The following RGS3 variants were observed in gnomAD, a reference collection of about 807,000 sequenced individuals.
RGS3 encodes regulator of G protein signaling 3.
RGS3 carries 80 observed loss-of-function variants against 132.6 expected under a neutral mutation model. The ratio of observed to expected loss-of-function variants is 0.60; its 90% confidence interval spans 0.50 to 0.73. The LOEUF (loss-of-function observed/expected upper bound fraction) is 0.73. RGS3 is among the 30% of genes least tolerant of loss of function. The pLI is 0.00. For synonymous variants in RGS3, 598 were observed against 620.6 expected (o/e 0.96, Z 0.54); for missense variants, 1,382 against 1,530.8 (o/e 0.90, Z 1.62).
intron 7 of RGS3, among the ~76,000 whole-genome samples, chr9:113,486,625 A>G (rs1365050821): frequency 2.0e-5 from 3 of 152,216 alleles, no homozygotes; most frequent in African/African-American, 4.8e-5. Context: ...GGAATCTGGG[A>G]TACCCCATGG....
At chr9:113,583,521 T>C in exon 20 of RGS3, 1 of 1,614,122 alleles carries the variant, frequency 6.2e-7, no homozygotes, top group Non-Finnish European at 8.5e-7. Flanking sequence ...GTGCCGAGGA[T>C]TCCCCACCCA....
intron 20 of RGS3, among the ~76,000 whole-genome samples, chr9:113,589,394 C>A (rs1007773277): frequency 6.6e-6 from 1 of 152,150 alleles, no homozygotes; most frequent in Non-Finnish European, 1.5e-5. Flanking sequence ...CCCAGCAGCC[C>A]AGGGGGCTGA....
In RGS3 at chr9:113,494,861, A is replaced by T. The variant is rs545866875; in HGVS notation, c.690-925A>T. On this transcript the variant is annotated intron_variant, in intron 7 of 24. Coordinates refer to ENST00000350696, the Ensembl canonical transcript of RGS3. ...TGGTGGACATTCTTCAGGAACTCTG[A>T]ATTCTTCTTCTTCTTCTTCTTCTTT... 2.0e-5 allele frequency among the ~76,000 whole-genome samples: 3 copies of T among 150,800 alleles called. No individual in the cohort carries two copies. In the South Asian group the frequency reaches 6.2e-4, roughly 31 times the overall value.
chr9:113,497,445 C>T (rs1280825906), intron 9 of RGS3, 41 bp downstream of exon 7: 3 of 1,505,840 alleles, frequency 2.0e-6, no homozygotes, highest in East Asian at 2.3e-5. Flanking sequence ...CCAGGACCTG[C>T]CCCCTCCCTC....
intron 14 of RGS3, 145 bp from the exon 13 acceptor site, chr9:113,514,313 C>T (rs1443813377): frequency 1.3e-5 from 9 of 709,438 alleles, no homozygotes; most frequent in Non-Finnish European, 1.9e-5. Context: ...CCCTGTGTTT[C>T]AGCATCGTGC....
chr9:113,524,498 G>A (rs760380997), intron 17 of RGS3, among the ~76,000 whole-genome samples: 2 of 152,204 alleles, frequency 1.3e-5, no homozygotes, highest in Non-Finnish European at 2.9e-5. Flanking sequence ...AGCTTCCTGC[G>A]AGAAGGAGGG....
chr9:113,491,619 A>T (rs1564480354), intron 7 of RGS3, among the ~76,000 whole-genome samples: 1 of 151,286 alleles, frequency 6.6e-6, no homozygotes, highest in African/African-American at 2.4e-5. Context: ...GAATGGCGCG[A>T]TCTCACCTCA....
intron 14 of RGS3, among the ~76,000 whole-genome samples, chr9:113,512,723 C>T (rs1831461873): frequency 6.6e-6 from 1 of 152,140 alleles, no homozygotes. Context: ...GGCTGGGCAC[C>T]CAGGTCAGTG....
intron 8 of RGS3, among the ~76,000 whole-genome samples, chr9:113,497,010 G>T (rs541235862): frequency 1.3e-5 from 2 of 152,278 alleles, no homozygotes; most frequent in Admixed American, 6.5e-5. Context: ...TGTATACCAG[G>T]CATAGTGTGA....
chr9:113,595,813 G>GTGGCCA (rs1360138036), intron 24 of RGS3, 48 bp downstream of exon 22: 2 of 1,587,334 alleles, frequency 1.3e-6, no homozygotes, highest in Non-Finnish European at 1.7e-6. Context: ...CCAGGGCCCA[G>GTGGCCA]TGGCCCTTCA....
chr9:113,559,984 G>A (rs1022355344), intron 19 of RGS3, among the ~76,000 whole-genome samples: 4 of 152,158 alleles, frequency 2.6e-5, no homozygotes, highest in African/African-American at 7.2e-5. Flanking sequence ...CATACACCAC[G>A]TCGTCTAGTC....
intron 19 of RGS3, chr9:113,541,509 C>T: frequency 6.4e-7 from 1 of 1,561,014 alleles, no homozygotes; most frequent in South Asian, 1.2e-5. Context: ...CTCACCTCAA[C>T]TGGACCTGAA....
chr9:113,569,723 A>T (rs1036497189), intron 19 of RGS3, among the ~76,000 whole-genome samples: 3 of 151,910 alleles, frequency 2.0e-5, no homozygotes, highest in Admixed American at 2.0e-4. Context: ...TAAAAGGCCC[A>T]ATCTTTAATC....
chr9:113,479,414 G>A lies in RGS3; in HGVS notation c.416-77G>A, dbSNP rs560496781. On this transcript the variant is annotated intron_variant, in intron 3 of 24. Transcript: ENST00000350696. ...TTCACATGAACAAAAGAGCATTTCT[G>A]TCACCTTTCCTCTAGTTTTTTCCAC... 1.2e-4 allele frequency: 170 copies of A among 1,391,896 alleles called. No homozygotes were observed. The African/African-American group carries it at 2.2e-3, about 18-fold the overall frequency. 86.2% of individuals were successfully genotyped at this position (1,391,896 alleles called of 1,614,324 possible).
In RGS3 at chr9:113,565,704, G is replaced by T. The variant is rs1217948549; in HGVS notation, c.2038-17746G>T. 7.3e-6 allele frequency: 2 copies of T among 274,158 alleles called. No homozygotes were observed. Among genetic ancestry groups the T allele is most frequent in the Admixed American group, 4.8e-5 (1 of 20,966 alleles). The allele number at this position is 274,158 out of a possible 1,614,324, so 17.0% of individuals were successfully genotyped here. On this transcript the variant is annotated intron_variant, in intron 19 of 24. Coordinates refer to ENST00000350696, the Ensembl canonical transcript of RGS3. This position sits in a 1 kb window ranked among gnomAD's most constrained non-coding sequence, Gnocchi z 5.7. ...CTGGCAGGAGCGGCAGCCAGGAGTC[G>T]CCTGGGTCCCTGCTGGAGTATGCTG...
chr9:113,463,506 G>T lies in RGS3; in HGVS notation c.415+1305G>T. ...AACCGGGAGCGCGGTGCTGGGGCCGGGATACCCGGGGTGGCCGCACCGTCC... is the reference window on the plus strand; with the variant it reads ...AACCGGGAGCGCGGTGCTGGGGCCGTGATACCCGGGGTGGCCGCACCGTCC... On this transcript the variant is annotated intron_variant, in intron 3 of 24. Coordinates refer to ENST00000350696, the Ensembl canonical transcript of RGS3. This position sits in a 1 kb window ranked among gnomAD's most constrained non-coding sequence, Gnocchi z 4.6. 6.6e-6 allele frequency among the ~76,000 whole-genome samples: 1 copy of T among 152,170 alleles called. No homozygotes were observed. Among genetic ancestry groups the T allele is most frequent in the Non-Finnish European group, 1.5e-5 (1 of 68,018 alleles).
intron 1 of RGS3, among the ~76,000 whole-genome samples, chr9:113,448,822 A>G (rs1035002297): frequency 1.3e-5 from 2 of 152,220 alleles, no homozygotes; most frequent in Non-Finnish European, 1.5e-5. Context: ...TAAGTGGTAC[A>G]AAGAAAGAAC....
At chr9:113,497,186 G>A in intron 8 of RGS3, 128 bp from the exon 7 acceptor site, 2 of 688,410 alleles carry the variant, frequency 2.9e-6, no homozygotes, top group South Asian at 3.6e-5. Flanking sequence ...TCGGGGCCAG[G>A]AAGGCTGGAG....
chr9:113,477,271 A>G (rs1320196027), intron 3 of RGS3, among the ~76,000 whole-genome samples: 1 of 152,150 alleles, frequency 6.6e-6, no homozygotes, highest in Non-Finnish European at 1.5e-5. Context: ...GTCCTGAAAG[A>G]AGAGGGCAGT....
Sources: gnomAD v4.1 joint callset for allele counts (sites outside exome capture counted in the v4.1 genomes callset) on GRCh38, gnomAD v4.1.1 for gene constraint, Gnocchi (gnomAD v3.1) non-coding constraint, MANE v1.5 for transcripts, NCBI Gene and HGNC (gene_info 2026-07-23, HGNC 2026-07-21) for gene names.